Variants in FAR1 observed in about 807,000 individuals in gnomAD.
FAR1 encodes fatty acyl-CoA reductase 1.
FAR1 carries 22 observed loss-of-function variants against 61.1 expected under a neutral mutation model. The observed-to-expected ratio is 0.36, with a 90% confidence interval of 0.26 to 0.51. The LOEUF (loss-of-function observed/expected upper bound fraction) is 0.51. Among genes scored for constraint, FAR1 ranks in the 20% least tolerant of loss-of-function variants. FAR1 has a pLI of 0.95. For missense variants in FAR1, 359 were observed against 626.9 expected (o/e 0.57, Z 4.56); for synonymous variants, 206 against 209.7 (o/e 0.98, Z 0.15).
intron 1 of FAR1, among the ~76,000 whole-genome samples, chr11:13,681,428 C>G (rs771856215): frequency 6.6e-6 from 1 of 152,158 alleles, no homozygotes; most frequent in African/African-American, 2.4e-5. Context: ...TGTACAGACC[C>G]TAACTGTTCT....
At chr11:13,696,838 T>C in intron 2 of FAR1, among the ~76,000 whole-genome samples, 1 of 152,160 alleles carries the variant, frequency 6.6e-6, no homozygotes, top group East Asian at 1.9e-4. Flanking sequence ...ATTTTAGGTA[T>C]GGTCTACTCT....
At chr11:13,699,706 C>T (rs915367598) in intron 2 of FAR1, among the ~76,000 whole-genome samples, 5 of 152,152 alleles carry the variant, frequency 3.3e-5, no homozygotes, top group African/African-American at 9.7e-5. Flanking sequence ...TTTGGGTACA[C>T]TTAAAGAATG....
intron 3 of FAR1, among the ~76,000 whole-genome samples, chr11:13,701,005 CTTCT>C (rs1484514398): frequency 6.6e-6 from 1 of 152,024 alleles, no homozygotes; most frequent in African/African-American, 2.4e-5. Flanking sequence ...ATAATTTAGA[CTTCT>C]TTCAAGATTC....
intron 1 of FAR1, among the ~76,000 whole-genome samples, chr11:13,674,874 A>G (rs1462575373): frequency 1.3e-5 from 2 of 152,142 alleles, no homozygotes; most frequent in Non-Finnish European, 2.9e-5. Flanking sequence ...ACACTCTTGA[A>G]CTTGTCTTTA....
Position 13,697,137 on chromosome 11 carries a change from C to A in FAR1, c.189+2183C>A, listed in dbSNP as rs569261204. Among the ~76,000 whole-genome samples, 5 of 152,176 alleles carry A rather than the reference C, an allele frequency of 3.3e-5. No homozygotes were observed. The South Asian group carries it at 1.0e-3, about 32-fold the overall frequency. On this transcript the variant is annotated intron_variant, in intron 2 of 11. Transcript: ENST00000354817. ...ATGGGAATGTCTCAGGTAACAGAAACTCCATTGGGTGATGAAGATTGAATT... is the reference window on the plus strand; with the variant it reads ...ATGGGAATGTCTCAGGTAACAGAAAATCCATTGGGTGATGAAGATTGAATT...
intron 1 of FAR1, chr11:13,669,688 C>T (rs904119324): frequency 2.0e-5 from 3 of 151,996 alleles, no homozygotes; most frequent in Non-Finnish European, 4.4e-5. Flanking sequence ...TAGTGGAGGG[C>T]CAAATACTCA....
At chr11:13,698,838 A>G (rs1309109170) in intron 2 of FAR1, among the ~76,000 whole-genome samples, 3 of 152,140 alleles carry the variant, frequency 2.0e-5, no homozygotes, top group Non-Finnish European at 4.4e-5. Flanking sequence ...CTCAAAAAAA[A>G]AAAAAAATCT....
chr11:13,692,391 A>G (rs140771712), intron 1 of FAR1, among the ~76,000 whole-genome samples: 6 of 152,236 alleles, frequency 3.9e-5, no homozygotes, highest in African/African-American at 9.6e-5. Context: ...GTTTTTTGGT[A>G]TGTTTACCTA....
rs1848356613 is a variant in FAR1, at chr11:13,700,307, C to T, written c.190-10C>T. On this transcript the variant is annotated splice_polypyrimidine_tract_variant and intron_variant, in intron 2 of 11. Coordinates refer to ENST00000354817, the MANE Select transcript of FAR1 (RefSeq NM_032228.6). The stretch of plus-strand genomic sequence containing the variant: ...ACTGCTGTAAAATAAATATTTTTCC[C>T]TCTTGATAGCTTTTTGACAGATTGA... The T allele has an allele frequency of 2.6e-6, 4 of 1,545,278 alleles. No homozygotes were observed. Among genetic ancestry groups the T allele is most frequent in the East Asian group, 2.4e-5 (1 of 41,288 alleles).
chr11:13,713,643 T>G (rs1049343415), intron 8 of FAR1, among the ~76,000 whole-genome samples: 2 of 152,070 alleles, frequency 1.3e-5, no homozygotes, highest in African/African-American at 4.8e-5. Context: ...AAGTAAAATT[T>G]TTTTGGCATT....
intron 9 of FAR1, among the ~76,000 whole-genome samples, chr11:13,717,793 G>A (rs894269004): frequency 6.6e-6 from 1 of 152,186 alleles, no homozygotes; most frequent in Non-Finnish European, 1.5e-5. Flanking sequence ...ATATGACTGT[G>A]TCCCAGTAAA....
chr11:13,707,272 T>C (rs1848442502), intron 3 of FAR1, among the ~76,000 whole-genome samples: 2 of 152,312 alleles, frequency 1.3e-5, no homozygotes, highest in African/African-American at 2.4e-5. Context: ...AGGGAATATA[T>C]AGATTATTTT....
intron 1 of FAR1, among the ~76,000 whole-genome samples, chr11:13,690,097 G>T (rs1245196587): frequency 6.6e-6 from 1 of 151,756 alleles, no homozygotes; most frequent in East Asian, 1.9e-4. Flanking sequence ...GCTGGTCTCT[G>T]AACTCCTGAC....
chr11:13,715,674 T>C (rs919158028), intron 9 of FAR1: 13 of 152,222 alleles, frequency 8.5e-5, no homozygotes, highest in East Asian at 1.9e-4. Context: ...ATCGTTGTTA[T>C]AGCTTTTCTT....
Position 13,710,838 on chromosome 11 carries a change from A to G in FAR1, c.691A>G (p.Ile231Val), listed in dbSNP as rs1173861689. The change falls in exon 5 of 12, where the codon ATT becomes GTT. Residue 231 changes from isoleucine (I) to valine (V), a missense_variant. Ile to Val is a conservative substitution (Grantham distance 29, BLOSUM62 3). Around this residue, in one of 2 missense-constraint regions of FAR1, gnomAD observed 344 missense variants for 570.3 expected, o/e 0.60. Transcript: ENST00000354817. ...KLNVAIVRPS[I>V]VGASWKEPFP... ...AAATGTGGCAATTGTAAGGCCATCGATTGTTGGTGCCAGTTGGAAAGAACC... is the reference window on the plus strand; with the variant it reads ...AAATGTGGCAATTGTAAGGCCATCGGTTGTTGGTGCCAGTTGGAAAGAACC... 6.2e-7 allele frequency: 1 copy of G among 1,611,670 alleles called. No homozygotes were observed. The highest frequency in any genetic ancestry group is 8.5e-7 in the Non-Finnish European group (1 of 1,179,196).
chr11:13,725,911 G>C (rs1848663028), intron 10 of FAR1, among the ~76,000 whole-genome samples: 1 of 150,594 alleles, frequency 6.6e-6, no homozygotes, highest in Admixed American at 6.6e-5. Flanking sequence ...CTGGTTTTAA[G>C]TTCTTTTTTC....
At position 13,728,642 on chromosome 11, in the gene FAR1, T is replaced by C. The variant is rs1420666672; in HGVS notation, c.1416T>C (p.Thr472=). ...GGAATATACGTTATGGTTTTAATAC[T>C]ATCCTTGTGATCCTCATCTGGCGCA... ...KLRNIRYGFN[T]ILVILIWRIF... is the part of the protein sequence containing the mutation. The change falls in exon 12 of 12, where the codon ACT becomes ACC. Residue 472 remains threonine (T), a synonymous_variant. Transcript: ENST00000354817. 1 of 1,612,262 alleles carries C rather than the reference T, an allele frequency of 6.2e-7. No individual in the cohort carries two copies. The highest frequency in any genetic ancestry group is 2.2e-5 in the East Asian group (1 of 44,796).
At chr11:13,719,752 A>G (rs1210249878) in intron 9 of FAR1, among the ~76,000 whole-genome samples, 2 of 152,296 alleles carry the variant, frequency 1.3e-5, no homozygotes, top group South Asian at 2.1e-4. Context: ...GAGGCCAGGG[A>G]TGGTGACAAG....
chr11:13,719,044 C>T (rs566961800), intron 9 of FAR1, among the ~76,000 whole-genome samples: 3 of 152,150 alleles, frequency 2.0e-5, no homozygotes, highest in East Asian at 1.9e-4. Context: ...GACCTAGCCT[C>T]GGAAGTCACA....
Sources: allele counts gnomAD v4.1 joint callset (sites outside exome capture counted in the v4.1 genomes callset), GRCh38; gene constraint gnomAD v4.1.1; regional missense constraint gnomAD v4.1.1; transcripts MANE v1.5; gene names NCBI Gene and HGNC (gene_info 2026-07-23, HGNC 2026-07-21).